CTNND2: variants seen among roughly 807,000 people sequenced by gnomAD.
CTNND2 encodes catenin delta 2, also known as catenin delta-2.
A neutral mutation model predicts 144.4 loss-of-function variants in CTNND2; 22 were observed. The ratio of observed to expected loss-of-function variants is 0.15; its 90% CI spans 0.11 to 0.22. CTNND2 has a LOEUF of 0.22. Ranked by LOEUF, CTNND2 falls within the 10% of genes least tolerant of loss-of-function variation. CTNND2 has a pLI of 1.00. For missense variants in CTNND2, 1,353 were observed against 1,618.8 expected, an observed-to-expected ratio of 0.84 and a Z score of 2.82; for synonymous variants, 751 against 695.6, an observed-to-expected ratio of 1.08 and a Z score of -1.25.
chr5:11,484,197 T>C (rs1351278691), intron 3 of CTNND2, among the ~76,000 whole-genome samples: 1 of 152,170 alleles, frequency 6.6e-6, no homozygotes, highest in Non-Finnish European at 1.5e-5. Context: ...TTTCAGCCCA[T>C]CTCACTCAAT....
chr5:11,108,210 T>C (rs1426143339), intron 14 of CTNND2, among the ~76,000 whole-genome samples: 1 of 152,158 alleles, frequency 6.6e-6, no homozygotes, highest in Non-Finnish European at 1.5e-5. Context: ...GGCCAGGCAG[T>C]GGAACAGCAT....
At position 11,896,767 on chromosome 5, in the gene CTNND2, C is replaced by T. The variant is rs1478850253; in HGVS notation, c.37+7050G>A. On this transcript the variant is annotated intron_variant, in intron 1 of 21. Coordinates refer to ENST00000304623, the MANE Select transcript of CTNND2 (RefSeq NM_001332.4). The stretch of plus-strand genomic sequence containing the variant: ...GAGTGGGTATGTGTGCTGGGTATCA[C>T]ATTCAATATAGTTATTTGCCTTGAT... Among the ~76,000 whole-genome samples the T allele has an allele frequency of 5.9e-5, 9 of 152,250 alleles. 1 individual carries two copies. The South Asian group carries it at 1.7e-3, about 28-fold the overall frequency.
At chr5:11,599,036 T>A (rs1302472439) in intron 2 of CTNND2, among the ~76,000 whole-genome samples, 1 of 152,144 alleles carries the variant, frequency 6.6e-6, no homozygotes, top group African/African-American at 2.4e-5. Context: ...TGCCACACAC[T>A]TTTAAACCAT....
intron 3 of CTNND2, among the ~76,000 whole-genome samples, chr5:11,527,242 T>C (rs960076212): frequency 3.3e-5 from 5 of 150,674 alleles, no homozygotes; most frequent in Non-Finnish European, 7.4e-5. Flanking sequence ...TTTACCACAA[T>C]AAAAAAAAAG....
chr5:11,873,790 G>A (rs1272629419), intron 1 of CTNND2, among the ~76,000 whole-genome samples: 1 of 152,158 alleles, frequency 6.6e-6, no homozygotes, highest in Admixed American at 6.5e-5. Flanking sequence ...CCAAGGTGGA[G>A]GCGACAAGGA....
intron 2 of CTNND2, among the ~76,000 whole-genome samples, chr5:11,630,803 C>T (rs1031308424): frequency 6.6e-6 from 1 of 151,814 alleles, no homozygotes; most frequent in South Asian, 2.1e-4. Flanking sequence ...AATATAAAAA[C>T]ATTAGCCAGG....
chr5:11,679,413 A>G (rs753641816), intron 2 of CTNND2, among the ~76,000 whole-genome samples: 11 of 152,204 alleles, frequency 7.2e-5, no homozygotes, highest in Non-Finnish European at 1.6e-4. Context: ...AAATGCTGTA[A>G]TTCATTGAAG....
At chr5:11,290,930 C>T (rs568669028) in intron 9 of CTNND2, among the ~76,000 whole-genome samples, 107 of 152,198 alleles carry the variant, frequency 7.0e-4, no homozygotes, top group Middle Eastern at 3.4e-3. Flanking sequence ...TTAATTAAAC[C>T]GTTGATTTTA....
intron 2 of CTNND2, among the ~76,000 whole-genome samples, chr5:11,592,116 C>G (rs1779271606): frequency 1.3e-5 from 2 of 150,390 alleles, no homozygotes. Flanking sequence ...ATCTACCTTC[C>G]TTCCTTCCTT....
At chr5:11,230,061 G>A (rs973598469) in intron 10 of CTNND2, among the ~76,000 whole-genome samples, 20 of 151,748 alleles carry the variant, frequency 1.3e-4, no homozygotes, top group South Asian at 6.3e-4. Context: ...TTAAAAATCC[G>A]CAAAAGGGAC....
chr5:11,313,909 G>A (rs571957261), intron 9 of CTNND2, among the ~76,000 whole-genome samples: 2 of 152,200 alleles, frequency 1.3e-5, no homozygotes, highest in Admixed American at 1.3e-4. Context: ...CGAGCAAATG[G>A]GGAAGTGCCA....
chr5:11,770,083 T>G (rs1400197262), intron 1 of CTNND2, among the ~76,000 whole-genome samples: 1 of 152,116 alleles, frequency 6.6e-6, no homozygotes, highest in Non-Finnish European at 1.5e-5. Flanking sequence ...ATTACCACCA[T>G]GGGCTAAGTT....
At chr5:11,233,720 G>C (rs1478816190) in intron 10 of CTNND2, among the ~76,000 whole-genome samples, 1 of 143,456 alleles carries the variant, frequency 7.0e-6, no homozygotes, top group Non-Finnish European at 1.5e-5. Flanking sequence ...ACGTGTCTGT[G>C]TGTGTGTGTG....
intron 3 of CTNND2, among the ~76,000 whole-genome samples, chr5:11,477,489 G>C (rs572455123): frequency 1.3e-5 from 2 of 151,834 alleles, no homozygotes; most frequent in East Asian, 1.9e-4. Flanking sequence ...ATGGCTCACT[G>C]TAATCTCAAA....
chr5:11,330,736 T>C (rs539544596), intron 9 of CTNND2, among the ~76,000 whole-genome samples: 1 of 145,178 alleles, frequency 6.9e-6, no homozygotes, highest in South Asian at 2.2e-4. Context: ...TAGGCCAAGA[T>C]AGCACCACTG....
At chr5:11,880,461 A>C (rs1353810796) in intron 1 of CTNND2, among the ~76,000 whole-genome samples, 1 of 150,792 alleles carries the variant, frequency 6.6e-6, no homozygotes, top group Non-Finnish European at 1.5e-5. Flanking sequence ...GACATGGAAT[A>C]AAGGCTCAAC....
chr5:11,673,804 T>G (rs1784027969), intron 2 of CTNND2, among the ~76,000 whole-genome samples: 1 of 152,194 alleles, frequency 6.6e-6, no homozygotes, highest in South Asian at 2.1e-4. Context: ...ATAAATAGCG[T>G]TATCTAAATG....
chr5:11,289,309 C>T (rs11743882), intron 9 of CTNND2, among the ~76,000 whole-genome samples: 18,118 of 152,248 alleles, frequency 0.12, 1,224 homozygotes, highest in Admixed American at 0.18. Flanking sequence ...CTTAAGCACT[C>T]CTAGTCTGAC....
chr5:11,052,355 C>T (rs1448097833), intron 16 of CTNND2, among the ~76,000 whole-genome samples: 1 of 152,168 alleles, frequency 6.6e-6, no homozygotes, highest in Non-Finnish European at 1.5e-5. Flanking sequence ...GACAACAAAT[C>T]TACATGCAGA....
Sources: allele counts gnomAD v4.1 joint callset (sites outside exome capture counted in the v4.1 genomes callset), GRCh38; gene constraint gnomAD v4.1.1; transcripts MANE v1.5; gene names NCBI Gene and HGNC (gene_info 2026-07-23, HGNC 2026-07-21).